Variants in LRRC47 observed in about 807,000 individuals in gnomAD.
The protein encoded by LRRC47 is leucine-rich repeat-containing protein 47.
In LRRC47, 31 loss-of-function variants were observed where a neutral mutation model predicts 40.9. The observed-to-expected ratio is 0.76, with a 90% CI of 0.57 to 1.02. LRRC47 has a LOEUF of 1.02. Ranked by LOEUF, LRRC47 falls within the 50% of genes least tolerant of loss-of-function variation. LRRC47 has a pLI of 0.00. For synonymous variants in LRRC47, 427 were observed against 371.9 expected (o/e 1.15, Z -1.70); for missense variants, 726 against 796.1 (o/e 0.91, Z 1.06).
At chr1:3,783,733 C>T (rs1570735724) in intron 4 of LRRC47, 3 of 493,124 alleles carry the variant, frequency 6.1e-6, no homozygotes, top group Non-Finnish European at 1.1e-5. Flanking sequence ...CCTGTCCCAT[C>T]CTGAGGGCCA....
Position 3,796,262 on chromosome 1 carries a change from T to C in LRRC47, c.215A>G (p.Gln72Arg). The C allele has an allele frequency of 6.8e-7, 1 of 1,467,528 alleles. No individual in the cohort carries two copies. The highest frequency in any genetic ancestry group is 8.9e-7 in the Non-Finnish European group (1 of 1,118,430). 90.9% of individuals were successfully genotyped at this position (1,467,528 alleles called of 1,614,324 possible). ...GAGGCTGTGCAGCTGCGGCAGGCCC[T>C]GCGCCAGGCCAGGCCCCGGCGCGCG... The part of the protein sequence containing the change: ...SLRAPGPGLA[Q>R]GLPQLHSLVL... The change falls in exon 1 of 7, where the codon CAG (glutamine) becomes CGG (arginine). Residue 72 changes from glutamine (Q) to arginine (R), a missense_variant. Transcript: ENST00000378251.
chr1:3,785,191 C>T lies in LRRC47; in HGVS notation c.1090G>A (p.Glu364Lys). 1.3e-6 allele frequency: 2 copies of T among 1,575,528 alleles called. No homozygotes were observed. Among genetic ancestry groups the T allele is most frequent in the Non-Finnish European group, 1.7e-6 (2 of 1,162,848 alleles). The change falls in exon 3 of 7, where the codon GAA (glutamate) becomes AAA (lysine). Residue 364 changes from glutamate to lysine, a missense_variant. Coordinates refer to ENST00000378251, the MANE Select transcript of LRRC47 (RefSeq NM_020710.3). ...RFLTSQTKLHEDLCEKRTAAT... is the reference protein window; with the variant it reads ...RFLTSQTKLHKDLCEKRTAAT... ...GCCGTCCTCTTCTCACAGAGATCTT[C>T]GTGGAGCTTGGTCTGTAACACAGAA... is the stretch of plus-strand genomic sequence containing the variant.
At chr1:3,792,221 G>C (rs960753015) in intron 1 of LRRC47, among the ~76,000 whole-genome samples, 2 of 152,206 alleles carry the variant, frequency 1.3e-5, no homozygotes, top group Non-Finnish European at 2.9e-5. Context: ...TACCCAAAAG[G>C]ACATCTGAGT....
At chr1:3,789,602 G>A (rs1643608847) in intron 1 of LRRC47, among the ~76,000 whole-genome samples, 4 of 152,240 alleles carry the variant, frequency 2.6e-5, no homozygotes, top group Non-Finnish European at 5.9e-5. Flanking sequence ...TCGGAGAAGG[G>A]TCTTCCTTCC....
At position 3,787,203 on chromosome 1, in the gene LRRC47, G is replaced by A; in HGVS notation, c.723C>T (p.Arg241=). 1 of 1,613,888 alleles carries A rather than the reference G, an allele frequency of 6.2e-7. No homozygotes were observed. The highest frequency in any genetic ancestry group is 8.5e-7 in the Non-Finnish European group (1 of 1,180,052). The change falls in exon 2 of 7, where the codon CGC becomes CGT. Residue 241 remains arginine, a synonymous_variant. Transcript: ENST00000378251. ...GGCAGCCGCTGACCATCTTCTCCAGGCGCTTGTCCCTCAGCTTGTTCCCAC... is the reference window on the plus strand; with the variant it reads ...GGCAGCCGCTGACCATCTTCTCCAGACGCTTGTCCCTCAGCTTGTTCCCAC... ...NFRGNKLRDK[R]LEKMVSGCQT... is the part of the protein sequence containing the mutation.
At position 3,782,760 on chromosome 1, in the gene LRRC47, G is replaced by C; in HGVS notation, c.1314C>G (p.Tyr438Ter). 6.4e-7 allele frequency: 1 copy of C among 1,556,278 alleles called. No individual in the cohort carries two copies. The highest frequency in any genetic ancestry group is 8.9e-7 in the Non-Finnish European group (1 of 1,127,280). Reference protein sequence around the residue: ...KRQSVSGLHRYLHLLDGNENY... With the variant: ...KRQSVSGLHR ...TTTCATTTCCATCCAGCAAGTGAAG[G>C]TATCTGTATGGGAAGAAATACAAAT... is the stretch of plus-strand genomic sequence containing the variant. Residue 438 changes from tyrosine to a stop codon, truncating the protein, a stop_gained, in exon 5 of 7, where the codon TAC becomes TAG. Coordinates refer to ENST00000378251, the MANE Select transcript of LRRC47 (RefSeq NM_020710.3). LOFTEE classifies it high-confidence loss of function.
chr1:3,789,825 A>C (rs1048965602), intron 1 of LRRC47, among the ~76,000 whole-genome samples: 1 of 152,242 alleles, frequency 6.6e-6, no homozygotes, highest in South Asian at 2.1e-4. Context: ...CTGGCCCCTC[A>C]GGCCAGCACT....
At chr1:3,795,651 T>C (rs1404708274) in intron 1 of LRRC47, among the ~76,000 whole-genome samples, 2 of 152,210 alleles carry the variant, frequency 1.3e-5, no homozygotes, top group Non-Finnish European at 2.9e-5. Context: ...ACCTAGTATG[T>C]TGGTGTGGCC....
chr1:3,787,125 C>A lies in LRRC47; in HGVS notation c.801G>T (p.Lys267Asn). The A allele has an allele frequency of 6.2e-7, 1 of 1,613,850 alleles. No individual in the cohort carries two copies. The highest frequency in any genetic ancestry group is 8.5e-7 in the Non-Finnish European group (1 of 1,180,036). The change falls in exon 2 of 7, where the codon AAG becomes AAT. Residue 267 changes from lysine (K) to asparagine (N), a missense_variant. Physicochemically the swap from Lys to Asn is moderately conservative, Grantham distance 94. Coordinates refer to ENST00000378251, the MANE Select transcript of LRRC47 (RefSeq NM_020710.3). ...CCGAGCCCTCGGCACGGCCCTTGCC[C>A]TTCCCGCCACCACGGCCTCCGACGC... ...YLRVGGRGGG[K>N]GKGRAEGSEK... is the part of the protein sequence containing the mutation.
rs1424185745 is a variant in LRRC47 at position 3,796,039 on chromosome 1, G to A, written c.438C>T (p.Ala146=). The part of the protein sequence containing the change: ...LSGNRLRELP[A]DLARCAPRLQ... ...GGCGCGGGGCGCAGCGCGCCAGGTCGGCTGGCAGCTCGCGCAGCCGGTTGC... is the reference window on the plus strand; with the variant it reads ...GGCGCGGGGCGCAGCGCGCCAGGTCAGCTGGCAGCTCGCGCAGCCGGTTGC... Residue 146 remains alanine (A), a synonymous_variant, in exon 1 of 7, where the codon GCC becomes GCT. Transcript: ENST00000378251. 3 of 1,544,250 alleles carry A rather than the reference G, an allele frequency of 1.9e-6. No individual in the cohort carries two copies. In the Admixed American group the frequency reaches 5.9e-5, roughly 30 times the overall value.
chr1:3,793,476 C>T (rs1211556286), intron 1 of LRRC47, among the ~76,000 whole-genome samples: 1 of 152,170 alleles, frequency 6.6e-6, no homozygotes, highest in African/African-American at 2.4e-5. Context: ...ATACTCCTTC[C>T]GTAAAACTCA....
At chr1:3,788,402 G>A (rs1016107615) in intron 1 of LRRC47, among the ~76,000 whole-genome samples, 1 of 152,230 alleles carries the variant, frequency 6.6e-6, no homozygotes, top group African/African-American at 2.4e-5. Context: ...AACAGCATGT[G>A]GGCCCCCTGG....
chr1:3,780,387 G>T lies in LRRC47; in HGVS notation c.*701C>A, dbSNP rs181787551. 6.6e-6 allele frequency: 1 copy of T among 152,234 alleles called. No homozygotes were observed. Among genetic ancestry groups the T allele is most frequent in the African/African-American group, 2.4e-5 (1 of 41,548 alleles). 9.4% of individuals were successfully genotyped at this position (152,234 alleles called of 1,614,324 possible). On this transcript the variant is annotated 3_prime_UTR_variant, in exon 7 of 7. Coordinates refer to ENST00000378251, the MANE Select transcript of LRRC47 (RefSeq NM_020710.3). ...GAGAATATTGTGGATCCGCTGTCAG[G>T]TAAGTGTCCGTCACTGACCCAGACG...
Position 3,796,482 on chromosome 1 carries a change from C to G in LRRC47, c.-6G>C, listed in dbSNP as rs112671064. On this transcript the variant is annotated 5_prime_UTR_variant, in exon 1 of 7. Transcript: ENST00000378251. ...GACACCGCTGCCGCCGCCATGGCGC[C>G]TCAGCTGCTGGCAGGCACCCACCCA... The G allele has an allele frequency of 6.6e-7, 1 of 1,505,096 alleles. No homozygotes were observed. Among genetic ancestry groups the G allele is most frequent in the Non-Finnish European group, 8.8e-7 (1 of 1,135,640 alleles). 93.2% of individuals were successfully genotyped at this position (1,505,096 alleles called of 1,614,324 possible).
intron 1 of LRRC47, among the ~76,000 whole-genome samples, chr1:3,788,064 G>T (rs999293095): frequency 6.6e-6 from 1 of 152,266 alleles, no homozygotes; most frequent in African/African-American, 2.4e-5. Context: ...AGGATGGAAG[G>T]GGTACAGTGG....
intron 1 of LRRC47, among the ~76,000 whole-genome samples, chr1:3,793,048 C>T (rs1643641735): frequency 6.6e-6 from 1 of 152,134 alleles, no homozygotes; most frequent in Non-Finnish European, 1.5e-5. Context: ...AAAACTGTAA[C>T]AGTGAGAAAA....
At chr1:3,785,278 G>A in intron 2 of LRRC47, 75 bp from the exon 3 acceptor site, 1 of 1,085,854 alleles carries the variant, frequency 9.2e-7, no homozygotes, top group Non-Finnish European at 1.3e-6. Flanking sequence ...CTTCACCCTT[G>A]GCTGGGCTGT....
Position 3,779,535 on chromosome 1 carries a change from G to T in LRRC47, c.*1553C>A, listed in dbSNP as rs1005257052. ...CATGTGGTGCCTGGACATACACGAA[G>T]ACACATGGACGTGGGGGTCTGACCT... On this transcript the variant is annotated 3_prime_UTR_variant, in exon 7 of 7. Coordinates refer to ENST00000378251, the MANE Select transcript of LRRC47 (RefSeq NM_020710.3). 6.6e-6 allele frequency: 1 copy of T among 152,236 alleles called. No individual in the cohort carries two copies. Among genetic ancestry groups the T allele is most frequent in the Non-Finnish European group, 1.5e-5 (1 of 68,054 alleles). 9.4% of individuals were successfully genotyped at this position (152,236 alleles called of 1,614,324 possible).
At chr1:3,784,259 C>A in intron 3 of LRRC47, 148 bp from the exon 4 acceptor site, 1 of 667,474 alleles carries the variant, frequency 1.5e-6, no homozygotes, top group Non-Finnish European at 2.6e-6. Context: ...CACGGGACCA[C>A]GCAGCAAGAA....
Sources: allele counts gnomAD v4.1 joint callset (sites outside exome capture counted in the v4.1 genomes callset), GRCh38; gene constraint gnomAD v4.1.1; transcripts MANE v1.5; gene names NCBI Gene and HGNC (gene_info 2026-07-23, HGNC 2026-07-21).